The following CAPN2 variants were observed in gnomAD, a reference collection of about 807,000 sequenced individuals.
CAPN2 encodes calpain-2 catalytic subunit.
A neutral mutation model predicts 102.3 loss-of-function variants in CAPN2; 92 were observed. That is an observed-to-expected ratio of 0.90 (90% CI 0.76 to 1.07). The LOEUF (loss-of-function observed/expected upper bound fraction) is 1.07, where lower values mean the gene tolerates loss of function less well. Ranked by LOEUF, CAPN2 falls within the 50% of genes least tolerant of loss-of-function variation. The pLI, the probability that CAPN2 is intolerant of heterozygous loss-of-function variation, is 0.00. For synonymous variants in CAPN2, 340 were observed against 355.4 expected (o/e 0.96, Z 0.49); for missense variants, 800 against 909.4 (o/e 0.88, Z 1.55).
chr1:223,724,234 G>A (rs1027529333), intron 2 of CAPN2, among the ~76,000 whole-genome samples: 1 of 152,210 alleles, frequency 6.6e-6, no homozygotes, highest in Non-Finnish European at 1.5e-5. Context: ...CAGTCCCCAA[G>A]AAGACCAGCC....
chr1:223,742,518 ATTT>A lies in CAPN2; in HGVS notation c.308-1567_308-1565del, dbSNP rs199697766. Among the ~76,000 whole-genome samples, 196 of 114,418 alleles carry A rather than the reference ATTT, an allele frequency of 1.7e-3. 1 individual carries two copies. Among genetic ancestry groups the A allele is most frequent in the African/African-American group, 6.2e-3 (183 of 29,678 alleles). 75.1% of individuals were successfully genotyped at this position (114,418 alleles called of 152,430 possible). On this transcript the variant is annotated intron_variant, in intron 2 of 20. Transcript: ENST00000295006. ...TGTGTGTATATATATATATATATAT[ATTT>A]TTTTTTTTTTTTTTGAGACAGGGTC...
At chr1:223,713,284 C>T (rs1659791077) in intron 1 of CAPN2, among the ~76,000 whole-genome samples, 1 of 152,138 alleles carries the variant, frequency 6.6e-6, no homozygotes, top group Non-Finnish European at 1.5e-5. Flanking sequence ...CAGCATCTAC[C>T]AGACAAAGTC....
At chr1:223,741,063 C>G (rs1660597185) in intron 2 of CAPN2, among the ~76,000 whole-genome samples, 1 of 152,206 alleles carries the variant, frequency 6.6e-6, no homozygotes, top group Non-Finnish European at 1.5e-5. Context: ...TGGAACTGTT[C>G]TGTGACAAGG....
chr1:223,747,849 G>C (rs1660784998), intron 5 of CAPN2, among the ~76,000 whole-genome samples: 1 of 152,168 alleles, frequency 6.6e-6, no homozygotes, highest in Non-Finnish European at 1.5e-5. Flanking sequence ...CCATCTCTTA[G>C]AGGTATTGGT....
chr1:223,703,142 A>T (rs1659524321), intron 1 of CAPN2, among the ~76,000 whole-genome samples: 1 of 152,104 alleles, frequency 6.6e-6, no homozygotes, highest in Non-Finnish European at 1.5e-5. Context: ...TCCCAAAAGC[A>T]GTTTTGCATT....
chr1:223,755,060 CCT>C lies in CAPN2; in HGVS notation c.1136-414_1136-413del, dbSNP rs905283781. Among the ~76,000 whole-genome samples the C allele has an allele frequency of 1.4e-4, 22 of 152,126 alleles. No individual in the cohort carries two copies. The highest frequency in any genetic ancestry group is 5.3e-4 in the African/African-American group (22 of 41,402). ...TTAGATTCAGACAAGTGCAGGTCAT[CCT>C]CTCTCCACAGCTACCGTCACCCGTC... On this transcript the variant is annotated intron_variant, in intron 9 of 20. Coordinates refer to ENST00000295006, the MANE Select transcript of CAPN2 (RefSeq NM_001748.5). This position sits in a 1 kb window ranked among gnomAD's most constrained non-coding sequence, Gnocchi z 4.1.
chr1:223,770,604 A>G, intron 18 of CAPN2, 79 bp downstream of exon 18: 1 of 931,834 alleles, frequency 1.1e-6, no homozygotes, highest in South Asian at 1.4e-5. Context: ...ATACCATATA[A>G]CACAAGATTT....
intron 7 of CAPN2, 33 bp downstream of exon 7, chr1:223,751,008 G>A (rs375996912): frequency 3.2e-5 from 49 of 1,509,546 alleles, no homozygotes; most frequent in Admixed American, 5.9e-5. Context: ...GGCCCCAGGC[G>A]GGGGTGCATT....
chr1:223,744,264 G>A, intron 3 of CAPN2, 46 bp downstream of exon 3: 1 of 1,203,736 alleles, frequency 8.3e-7, no homozygotes, highest in Non-Finnish European at 1.2e-6. Flanking sequence ...GGTCCAGGGG[G>A]CTAGGAACAG....
At chr1:223,732,928 G>A (rs1274182994) in intron 2 of CAPN2, among the ~76,000 whole-genome samples, 1 of 152,190 alleles carries the variant, frequency 6.6e-6, no homozygotes, top group Non-Finnish European at 1.5e-5. Flanking sequence ...ACCATCAGGG[G>A]CCAGCTTGTT....
chr1:223,728,607 T>C (rs1015235495), intron 2 of CAPN2, among the ~76,000 whole-genome samples: 1 of 152,172 alleles, frequency 6.6e-6, no homozygotes, highest in Admixed American at 6.5e-5. Flanking sequence ...CCAGAAACAT[T>C]GTTGCCACCA....
chr1:223,769,364 G>T (rs1452301589), intron 16 of CAPN2, among the ~76,000 whole-genome samples: 1 of 152,016 alleles, frequency 6.6e-6, no homozygotes, highest in Non-Finnish European at 1.5e-5. Context: ...CAGGTGATCT[G>T]CCCACCTTGG....
chr1:223,771,881 T>G lies in CAPN2; in HGVS notation c.1976T>G (p.Phe659Cys), dbSNP rs776797995. The G allele has an allele frequency of 6.2e-7, 1 of 1,614,194 alleles. No individual in the cohort carries two copies. Among genetic ancestry groups the G allele is most frequent in the South Asian group, 1.1e-5 (1 of 91,084 alleles). Residue 659 changes from phenylalanine (F) to cysteine (C), a missense_variant, in exon 19 of 21, where the codon TTT becomes TGT. By Grantham distance (205) the Phe-to-Cys change is radical. Transcript: ENST00000295006. ...RFADDQLIIDFDNFVRCLVRL... is the reference protein window; with the variant it reads ...RFADDQLIIDCDNFVRCLVRL... ...GCAGATGACCAGCTCATCATCGATT[T>G]TGATAATTTTGTTCGGTGTTTGGTT...
At chr1:223,718,432 G>A (rs1004762883) in intron 2 of CAPN2, among the ~76,000 whole-genome samples, 3 of 152,308 alleles carry the variant, frequency 2.0e-5, no homozygotes, top group East Asian at 1.9e-4. Flanking sequence ...TTCTGGAGCC[G>A]AGTTCAGATT....
At chr1:223,738,852 C>T (rs1295078237) in intron 2 of CAPN2, among the ~76,000 whole-genome samples, 12 of 152,250 alleles carry the variant, frequency 7.9e-5, no homozygotes, top group African/African-American at 2.9e-4. Context: ...CAACCTGCCC[C>T]GCAGTCACGG....
chr1:223,733,616 G>A (rs1372387310), intron 2 of CAPN2, among the ~76,000 whole-genome samples: 3 of 152,218 alleles, frequency 2.0e-5, no homozygotes, highest in Non-Finnish European at 4.4e-5. Flanking sequence ...CCCCAAGAAA[G>A]GCAGCCCTGC....
At position 223,751,008 on chromosome 1, in the gene CAPN2, G is replaced by T. The variant is rs375996912; in HGVS notation, c.899+33G>T. 465 of 1,509,546 alleles carry T rather than the reference G, an allele frequency of 3.1e-4. 2 individuals carry two copies. In the Middle Eastern group the frequency reaches 8.8e-3, roughly 29 times the overall value. 93.5% of individuals were successfully genotyped at this position (1,509,546 alleles called of 1,614,324 possible). Reference sequence around the variant, plus strand: ...GGGCGCAGGCCTCGGGGCCCCAGGCGGGGGTGCATTGTGCTGGGAGGCTCT... The same window carrying T: ...GGGCGCAGGCCTCGGGGCCCCAGGCTGGGGTGCATTGTGCTGGGAGGCTCT... On this transcript the variant is annotated intron_variant, in intron 7 of 20. Coordinates refer to ENST00000295006, the MANE Select transcript of CAPN2 (RefSeq NM_001748.5).
chr1:223,761,549 T>A, intron 12 of CAPN2, 32 bp from the exon 13 acceptor site: 1 of 1,601,702 alleles, frequency 6.2e-7, no homozygotes, highest in Non-Finnish European at 8.5e-7. Context: ...TCGCCTGCCT[T>A]CCAGTAACAC....
intron 12 of CAPN2, among the ~76,000 whole-genome samples, chr1:223,760,718 C>T (rs936563903): frequency 6.6e-6 from 1 of 152,184 alleles, no homozygotes; most frequent in Admixed American, 6.5e-5. Context: ...CCCAGGGAAG[C>T]CTCAACCCCT....
Sources: gnomAD v4.1 joint callset for allele counts (sites outside exome capture counted in the v4.1 genomes callset) on GRCh38, gnomAD v4.1.1 for gene constraint, Gnocchi (gnomAD v3.1) non-coding constraint, MANE v1.5 for transcripts, NCBI Gene and HGNC (gene_info 2026-07-23, HGNC 2026-07-21) for gene names.